The following ESRRA variants were observed in gnomAD, a reference collection of about 807,000 sequenced individuals.
ESRRA encodes the protein estrogen related receptor alpha.
Under a neutral mutation model 35.6 loss-of-function variants are expected in ESRRA, and 7 were observed. The observed-to-expected ratio is 0.20, with a 90% CI of 0.11 to 0.37. ESRRA has a LOEUF of 0.37. ESRRA is among the 10% of genes least tolerant of loss of function. The probability of loss-of-function intolerance (pLI) is 1.00; values close to 1 mark genes in which losing one functional copy is unlikely to be tolerated. For missense variants in ESRRA, 378 were observed against 561.7 expected (o/e 0.67, Z 3.31); for synonymous variants, 223 against 246.9 (o/e 0.90, Z 0.91).
Position 64,313,974 on chromosome 11 carries a change from G to T in ESRRA, c.349G>T (p.Ala117Ser). The T allele has an allele frequency of 6.3e-7, 1 of 1,580,524 alleles. No individual in the cohort carries two copies. The highest frequency in any genetic ancestry group is 1.1e-5 in the South Asian group (1 of 87,094). The stretch of plus-strand genomic sequence containing the variant: ...AGGGAGCATCGAGTACAGCTGTCCG[G>T]CCTCCAACGAGTGTGAGATCACCAA... ...IQGSIEYSCP[A>S]SNECEITKRR... Residue 117 changes from alanine (A) to serine (S), a missense_variant, in exon 3 of 7, where the codon GCC becomes TCC. By Grantham distance (99) the Ala-to-Ser change is moderately conservative (BLOSUM62 1). This residue lies in a region of ESRRA where 284 missense variants were observed against 411.7 expected (regional missense o/e 0.69). Coordinates refer to ENST00000000442, the MANE Select transcript of ESRRA (RefSeq NM_004451.5). The surrounding 1 kb of genome is among the most constrained non-coding windows in gnomAD (Gnocchi z 4.0).
intron 6 of ESRRA, 67 bp from the exon 7 acceptor site, chr11:64,315,640 T>C: frequency 6.3e-7 from 1 of 1,584,864 alleles, no homozygotes; most frequent in Non-Finnish European, 8.6e-7. Context: ...CCAGCAGTGC[T>C]CAAGATACGG....
rs1292658094 is a variant in ESRRA, at chr11:64,314,813, C to T, written c.644C>T (p.Pro215Leu). Reference sequence around the variant, plus strand: ...GAGAAGCTCTATGCCATGCCTGACCCCGCAGGCCCTGATGGGCACCTCCCA... The same window carrying T: ...GAGAAGCTCTATGCCATGCCTGACCTCGCAGGCCCTGATGGGCACCTCCCA... ...EPEKLYAMPDPAGPDGHLPAV... is the reference protein window; with the variant it reads ...EPEKLYAMPDLAGPDGHLPAV... The change falls in exon 5 of 7, where the codon CCC (proline) becomes CTC (leucine). Residue 215 changes from proline to leucine, a missense_variant. Coordinates refer to ENST00000000442, the MANE Select transcript of ESRRA (RefSeq NM_004451.5). The T allele has an allele frequency of 1.2e-6, 2 of 1,612,318 alleles. No homozygotes were observed. The highest frequency in any genetic ancestry group is 3.3e-5 in the Admixed American group (2 of 60,008).
At chr11:64,307,541 C>T (rs1343866255) in intron 2 of ESRRA, 37 bp downstream of exon 2, 16 of 1,442,592 alleles carry the variant, frequency 1.1e-5, no homozygotes, top group African/African-American at 2.9e-5. Context: ...CTTTGCCCTG[C>T]ACCCTCTGGG....
chr11:64,308,262 C>A (rs1245794470), intron 2 of ESRRA, among the ~76,000 whole-genome samples: 4 of 152,152 alleles, frequency 2.6e-5, no homozygotes, highest in Admixed American at 6.5e-5. Flanking sequence ...CACCTGTAAT[C>A]CCAGCACTTT....
At chr11:64,314,661 G>A in intron 4 of ESRRA, 80 bp from the exon 5 acceptor site, 3 of 1,383,450 alleles carry the variant, frequency 2.2e-6, no homozygotes, top group Non-Finnish European at 3.0e-6. Flanking sequence ...GCCACAGGGG[G>A]AGCCACTGTG....
chr11:64,314,731 A>T lies in ESRRA; in HGVS notation c.572-10A>T. 6.2e-7 allele frequency: 1 copy of T among 1,608,530 alleles called. No individual in the cohort carries two copies. The highest frequency in any genetic ancestry group is 8.5e-7 in the Non-Finnish European group (1 of 1,177,904). ...GAGTGCTCCTGACTCTTGTCCTCTA[A>T]TTGTCACAGCAGCCCCAGTGAATGC... On this transcript the variant is annotated splice_polypyrimidine_tract_variant and intron_variant, in intron 4 of 6. Transcript: ENST00000000442.
chr11:64,307,555 A>G (rs2035060533), intron 2 of ESRRA, 51 bp downstream of exon 2: 4 of 1,380,832 alleles, frequency 2.9e-6, no homozygotes, highest in African/African-American at 2.9e-5. Context: ...CTCTGGGTAC[A>G]CTGCTGGGTG....
rs555435448 is a variant in ESRRA at position 64,305,889 on chromosome 11, G to C, written c.-13+153G>C. Reference sequence around the variant, plus strand: ...CACGGTTGGGACCCAGTCGAGGGTCGGACTGGTCAGGGTTCAGGCGGGATC... The same window carrying C: ...CACGGTTGGGACCCAGTCGAGGGTCCGACTGGTCAGGGTTCAGGCGGGATC... On this transcript the variant is annotated intron_variant, in intron 1 of 6. Transcript: ENST00000000442. This position sits in a 1 kb window ranked among gnomAD's most constrained non-coding sequence, Gnocchi z 5.8. 6.6e-6 allele frequency among the ~76,000 whole-genome samples: 1 copy of C among 151,972 alleles called. No individual in the cohort carries two copies. The highest frequency in any genetic ancestry group is 1.5e-5 in the Non-Finnish European group (1 of 67,924).
At position 64,313,927 on chromosome 11, in the gene ESRRA, T is replaced by C. The variant is rs557942094; in HGVS notation, c.326-24T>C. On this transcript the variant is annotated intron_variant, in intron 2 of 6. Coordinates refer to ENST00000000442, the MANE Select transcript of ESRRA (RefSeq NM_004451.5). This position sits in a 1 kb window ranked among gnomAD's most constrained non-coding sequence, Gnocchi z 4.0. ...CCTCCCAGCCCCGGGAGGCCGCCAC[T>C]GGAGCCCTGCCTCTTCCTGGCAGGG... 3.9e-6 allele frequency: 6 copies of C among 1,520,986 alleles called. No homozygotes were observed. The African/African-American group carries it at 8.2e-5, about 21-fold the overall frequency. 94.2% of individuals were successfully genotyped at this position (1,520,986 alleles called of 1,614,324 possible).
chr11:64,316,133 C>T lies in ESRRA; in HGVS notation c.*167C>T. 1 of 768,156 alleles carries T rather than the reference C, an allele frequency of 1.3e-6. No individual in the cohort carries two copies. The highest frequency in any genetic ancestry group is 2.1e-6 in the Non-Finnish European group (1 of 485,436). 47.6% of individuals were successfully genotyped at this position (768,156 alleles called of 1,614,324 possible). On this transcript the variant is annotated 3_prime_UTR_variant, in exon 7 of 7. Coordinates refer to ENST00000000442, the MANE Select transcript of ESRRA (RefSeq NM_004451.5). ...GGCCCCACGCCCTCTCCTCCCCCTCCTAGGGGGTGTCAGAAGCTGGGAACG... is the reference window on the plus strand; with the variant it reads ...GGCCCCACGCCCTCTCCTCCCCCTCTTAGGGGGTGTCAGAAGCTGGGAACG...
In ESRRA at chr11:64,313,918, G is replaced by A; in HGVS notation, c.326-33G>A. 3 of 1,471,586 alleles carry A rather than the reference G, an allele frequency of 2.0e-6. No individual in the cohort carries two copies. Among genetic ancestry groups the A allele is most frequent in the Non-Finnish European group, 2.8e-6 (3 of 1,084,066 alleles). The allele number at this position is 1,471,586 out of a possible 1,614,324, so 91.2% of individuals were successfully genotyped here. A position where few individuals can be genotyped will look rare whatever the true frequency, so the allele number is the denominator to read the frequency against. On this transcript the variant is annotated intron_variant, in intron 2 of 6. Transcript: ENST00000000442. This position sits in a 1 kb window ranked among gnomAD's most constrained non-coding sequence, Gnocchi z 4.0. Reference sequence around the variant, plus strand: ...GCTGGGTCCCCTCCCAGCCCCGGGAGGCCGCCACTGGAGCCCTGCCTCTTC... The same window carrying A: ...GCTGGGTCCCCTCCCAGCCCCGGGAAGCCGCCACTGGAGCCCTGCCTCTTC...
At chr11:64,315,672 G>T in intron 6 of ESRRA, 35 bp from the exon 7 acceptor site, 6 of 1,609,660 alleles carry the variant, frequency 3.7e-6, no homozygotes, top group Non-Finnish European at 5.1e-6. Context: ...GCCAGAGATA[G>T]CCCAGGCCAA....
intron 2 of ESRRA, among the ~76,000 whole-genome samples, chr11:64,309,294 G>C (rs536717274): frequency 1.7e-4 from 25 of 150,588 alleles, no homozygotes; most frequent in Admixed American, 5.3e-4. Context: ...TTAGCCGGGC[G>C]TGGTGGTGAG....
chr11:64,307,314 C>G lies in ESRRA; in HGVS notation c.135C>G (p.Arg45=), dbSNP rs1216543939. Residue 45 remains arginine (R), a synonymous_variant, in exon 2 of 7, where the codon CGC becomes CGG. Coordinates refer to ENST00000000442, the MANE Select transcript of ESRRA (RefSeq NM_004451.5). ...TGGCCCCTGGTCCAGCTCCCACTCG[C>G]TGCCTCCCAGGCCACAAGGAAGAGG... ...VALAPGPAPT[R]CLPGHKEEED... is the part of the protein sequence containing the mutation. 1 of 1,613,170 alleles carries G rather than the reference C, an allele frequency of 6.2e-7. No individual in the cohort carries two copies. Among genetic ancestry groups the G allele is most frequent in the African/African-American group, 1.3e-5 (1 of 75,046 alleles).
chr11:64,307,874 G>T (rs1300298551), intron 2 of ESRRA, among the ~76,000 whole-genome samples: 1 of 152,068 alleles, frequency 6.6e-6, no homozygotes, highest in African/African-American at 2.4e-5. Flanking sequence ...TCCCAAAGCA[G>T]CACCAACACA....
At chr11:64,314,709 T>C in intron 4 of ESRRA, 32 bp from the exon 5 acceptor site, 1 of 1,589,176 alleles carries the variant, frequency 6.3e-7, no homozygotes, top group South Asian at 1.1e-5. Flanking sequence ...CAGATTCGAG[T>C]GCTCCTGACT....
At chr11:64,315,677 G>A in intron 6 of ESRRA, 30 bp from the exon 7 acceptor site, 1 of 1,611,364 alleles carries the variant, frequency 6.2e-7, no homozygotes. Context: ...AGATAGCCCA[G>A]GCCAACACCA....
Position 64,316,259 on chromosome 11 carries a change from G to A in ESRRA, c.*293G>A, listed in dbSNP as rs2035261145. On this transcript the variant is annotated 3_prime_UTR_variant, in exon 7 of 7. Coordinates refer to ENST00000000442, the MANE Select transcript of ESRRA (RefSeq NM_004451.5). ...AGCCATAGGGGGCTGCACGGGATGCGTGGGAGGCAGAAACCTATCTCAGGG... is the reference window on the plus strand; with the variant it reads ...AGCCATAGGGGGCTGCACGGGATGCATGGGAGGCAGAAACCTATCTCAGGG... 3.0e-6 allele frequency: 1 copy of A among 332,752 alleles called. No individual in the cohort carries two copies. The highest frequency in any genetic ancestry group is 5.6e-6 in the Non-Finnish European group (1 of 179,088). 20.6% of individuals were successfully genotyped at this position (332,752 alleles called of 1,614,324 possible).
At position 64,307,451 on chromosome 11, in the gene ESRRA, A is replaced by G; in HGVS notation, c.272A>G (p.Tyr91Cys). 1 of 1,539,530 alleles carries G rather than the reference A, an allele frequency of 6.5e-7. No individual in the cohort carries two copies. Among genetic ancestry groups the G allele is most frequent in the Non-Finnish European group, 8.8e-7 (1 of 1,141,414 alleles). Residue 91 changes from tyrosine (Y) to cysteine (C), a missense_variant, in exon 2 of 7, where the codon TAT (tyrosine) becomes TGT (cysteine). This residue lies in a region of ESRRA where 7 missense variants were observed against 40.7 expected (regional missense o/e 0.17). Coordinates refer to ENST00000000442, the MANE Select transcript of ESRRA (RefSeq NM_004451.5). ...GGGGACGTGGCCTCCGGCTACCACT[A>G]TGGTGTGGCATCCTGTGAGGCCTGC... is the stretch of plus-strand genomic sequence containing the variant. ...VCGDVASGYH[Y>C]GVASCEACKA...
Sources: allele counts gnomAD v4.1 joint callset (sites outside exome capture counted in the v4.1 genomes callset), GRCh38; gene constraint gnomAD v4.1.1; regional missense constraint gnomAD v4.1.1; non-coding constraint Gnocchi (gnomAD v3.1); transcripts MANE v1.5; gene names NCBI Gene and HGNC (gene_info 2026-07-23, HGNC 2026-07-21).